Variants in GRID2 observed in about 807,000 individuals in gnomAD.
GRID2 encodes the protein glutamate ionotropic receptor delta type subunit 2, also known as glutamate receptor ionotropic, delta-2.
A neutral mutation model predicts 114.8 loss-of-function variants in GRID2; 33 were observed. The ratio of observed to expected loss-of-function variants is 0.29; its 90% CI spans 0.22 to 0.38. GRID2 has a LOEUF of 0.38. GRID2 is among the 10% of genes least tolerant of loss of function. The probability of loss-of-function intolerance (pLI) is 1.00; values close to 1 mark genes in which losing one functional copy is unlikely to be tolerated. For synonymous variants in GRID2, 505 were observed against 449.9 expected (o/e 1.12, Z -1.55); for missense variants, 1,184 against 1,257.7 (o/e 0.94, Z 0.89).
intron 1 of GRID2, among the ~76,000 whole-genome samples, chr4:92,529,836 G>T (rs2149148910): frequency 6.6e-6 from 1 of 152,192 alleles, no homozygotes; most frequent in South Asian, 2.1e-4. Flanking sequence ...CCATTGACAT[G>T]AAATGCTGAG....
chr4:93,727,038 G>A lies in GRID2; in HGVS notation c.2361-42172G>A, dbSNP rs188875659. Among the ~76,000 whole-genome samples, 830 of 152,274 alleles carry A rather than the reference G, an allele frequency of 5.5e-3. 4 individuals carry two copies. Among genetic ancestry groups the A allele is most frequent in the Middle Eastern group, 0.027 (8 of 294 alleles). ...CAACACTATGTTGAATAGGAGTGGC[G>A]AGAGAGGGCATCCCTGACTTGTGCC... On this transcript the variant is annotated intron_variant, in intron 14 of 15. Coordinates refer to ENST00000282020, the MANE Select transcript of GRID2 (RefSeq NM_001510.4).
At chr4:93,045,778 T>G (rs528588518) in intron 2 of GRID2, among the ~76,000 whole-genome samples, 10 of 152,116 alleles carry the variant, frequency 6.6e-5, no homozygotes, top group Non-Finnish European at 1.3e-4. Flanking sequence ...AATACGAAAC[T>G]TTATTCTCTC....
chr4:92,593,797 G>C (rs1399571801), intron 2 of GRID2, among the ~76,000 whole-genome samples: 1 of 150,696 alleles, frequency 6.6e-6, no homozygotes, highest in Non-Finnish European at 1.5e-5. Context: ...TGAGCTGCAG[G>C]ATATTAACTA....
rs541475482 is a variant in GRID2 at position 92,940,493 on chromosome 4, T to C, written c.245-144502T>C. On this transcript the variant is annotated intron_variant, in intron 2 of 15. Transcript: ENST00000282020. ...CTGAGACGATGGGGTTTTCTAGATA[T>C]ACAATCCTGTCATCTGCAAACAGGG... Among the ~76,000 whole-genome samples, 588 of 152,236 alleles carry C rather than the reference T, an allele frequency of 3.9e-3. 6 individuals are homozygous for C. The highest frequency in any genetic ancestry group is 0.013 in the African/African-American group (557 of 41,552).
chr4:92,436,472 T>A (rs1236266664), intron 1 of GRID2, among the ~76,000 whole-genome samples: 1 of 152,122 alleles, frequency 6.6e-6, no homozygotes, highest in African/African-American at 2.4e-5. Context: ...TTTTATTTTA[T>A]TTATGAAATG....
At chr4:92,432,767 A>G (rs1335502161) in intron 1 of GRID2, among the ~76,000 whole-genome samples, 2 of 152,198 alleles carry the variant, frequency 1.3e-5, no homozygotes, top group East Asian at 3.9e-4. Context: ...TCAAGCTTCA[A>G]TATAAAGTCC....
In GRID2 at chr4:92,371,991, T is replaced by C. The variant is rs1482014295; in HGVS notation, c.88+67247T>C. ...GCATTTGAAGAGGTCAAGACTTCAGTGGAGGCACTCACTACAAATGTGGTA... is the reference window on the plus strand; with the variant it reads ...GCATTTGAAGAGGTCAAGACTTCAGCGGAGGCACTCACTACAAATGTGGTA... On this transcript the variant is annotated intron_variant, in intron 1 of 15. Transcript: ENST00000282020. 3.9e-5 allele frequency among the ~76,000 whole-genome samples: 6 copies of C among 152,276 alleles called. 1 individual carries two copies. Among genetic ancestry groups the C allele is most frequent in the South Asian group, 2.1e-4 (1 of 4,828 alleles).
At chr4:93,365,287 G>C (rs1262134502) in intron 8 of GRID2, among the ~76,000 whole-genome samples, 1 of 152,126 alleles carries the variant, frequency 6.6e-6, no homozygotes, top group African/African-American at 2.4e-5. Flanking sequence ...AATAGTTAAA[G>C]AAAGTGAAGC....
chr4:93,787,669 G>A (rs148956165), intron 1 of GRID2, among the ~76,000 whole-genome samples: 2 of 152,128 alleles, frequency 1.3e-5, no homozygotes, highest in African/African-American at 2.4e-5. Flanking sequence ...GAGGAGTTTC[G>A]CAGTCTTGTT....
rs192000520 is a variant in GRID2, at chr4:92,460,719, T to C, written c.89-129412T>C. Among the ~76,000 whole-genome samples the C allele has an allele frequency of 6.4e-3, 978 of 152,246 alleles. 10 individuals are homozygous for C. The highest frequency in any genetic ancestry group is 0.022 in the African/African-American group (897 of 41,562). On this transcript the variant is annotated intron_variant, in intron 1 of 15. Transcript: ENST00000282020. The stretch of plus-strand genomic sequence containing the variant: ...ATGAAGGCATTTAACTCAGGACTCA[T>C]TTTGAAAGTCTAAACTCTTTGAATT...
chr4:92,539,240 A>C (rs544134823), intron 1 of GRID2, among the ~76,000 whole-genome samples: 1 of 152,146 alleles, frequency 6.6e-6, no homozygotes, highest in Non-Finnish European at 1.5e-5. Flanking sequence ...TGTGTACTCT[A>C]TTTGTTTCTA....
intron 2 of GRID2, among the ~76,000 whole-genome samples, chr4:92,660,395 G>T (rs996416728): frequency 6.6e-6 from 1 of 151,190 alleles, no homozygotes; most frequent in East Asian, 1.9e-4. Flanking sequence ...TGTCCAAAAC[G>T]ATGACTAAGA....
intron 8 of GRID2, among the ~76,000 whole-genome samples, chr4:93,368,676 T>C (rs534808829): frequency 2.0e-5 from 3 of 152,160 alleles, no homozygotes; most frequent in Non-Finnish European, 4.4e-5. Flanking sequence ...TGTAGGTTTT[T>C]TAATGCTAAT....
intron 2 of GRID2, among the ~76,000 whole-genome samples, chr4:92,850,386 T>A (rs1743686418): frequency 6.6e-6 from 1 of 151,884 alleles, no homozygotes; most frequent in Non-Finnish European, 1.5e-5. Context: ...TGTAAACAAA[T>A]GTTACATATT....
intron 2 of GRID2, among the ~76,000 whole-genome samples, chr4:92,746,363 G>C (rs1423561268): frequency 6.6e-6 from 1 of 152,004 alleles, no homozygotes; most frequent in African/African-American, 2.4e-5. Context: ...CAAAGATTTA[G>C]AAAGAAAATT....
intron 8 of GRID2, among the ~76,000 whole-genome samples, chr4:93,364,516 G>A (rs113949512): frequency 0.013 from 2,006 of 152,134 alleles, 21 homozygotes; most frequent in South Asian, 0.042. Context: ...CTGTCACTCA[G>A]AGTAGAGTGC....
chr4:93,201,232 G>T (rs928378825), intron 4 of GRID2, among the ~76,000 whole-genome samples: 5 of 152,094 alleles, frequency 3.3e-5, no homozygotes, highest in Non-Finnish European at 7.3e-5. Context: ...GGAATAATGT[G>T]GTAATAGCAT....
At chr4:93,378,096 CA>C (rs1186150598) in intron 8 of GRID2, among the ~76,000 whole-genome samples, 1 of 152,034 alleles carries the variant, frequency 6.6e-6, no homozygotes, top group Non-Finnish European at 1.5e-5. Context: ...ATGAGCCCTC[CA>C]AAAATGATAG....
chr4:92,705,811 T>A (rs542392482), intron 2 of GRID2, among the ~76,000 whole-genome samples: 1 of 152,312 alleles, frequency 6.6e-6, no homozygotes, highest in African/African-American at 2.4e-5. Context: ...TATTATAGTA[T>A]CTTATTGGAT....
Sources: gnomAD v4.1 joint callset for allele counts (sites outside exome capture counted in the v4.1 genomes callset) on GRCh38, gnomAD v4.1.1 for gene constraint, MANE v1.5 for transcripts, NCBI Gene and HGNC (gene_info 2026-07-23, HGNC 2026-07-21) for gene names.